The following CNGB3 variants were observed in gnomAD, a reference collection of about 807,000 sequenced individuals.
CNGB3 encodes the protein cyclic nucleotide-gated channel beta-3.
A neutral mutation model predicts 92.8 loss-of-function variants in CNGB3; 86 were observed. That is an observed-to-expected ratio of 0.93 (90% confidence interval 0.78 to 1.11). The LOEUF is 1.11. Among genes scored for constraint, CNGB3 ranks in the 50% least tolerant of loss-of-function variants. The probability of loss-of-function intolerance (pLI) is 0.00; values close to 1 mark genes in which losing one functional copy is unlikely to be tolerated. For synonymous variants in CNGB3, 333 were observed against 332.7 expected, an observed-to-expected ratio of 1.00 and a Z score of -0.01; for missense variants, 1,026 against 956.8, an observed-to-expected ratio of 1.07 and a Z score of -0.95.
chr8:86,711,664 C>T (rs1181732852), intron 3 of CNGB3, among the ~76,000 whole-genome samples: 1 of 152,020 alleles, frequency 6.6e-6, no homozygotes, highest in East Asian at 1.9e-4. Flanking sequence ...TGTCTTTTGT[C>T]TGCTGACTCA....
intron 15 of CNGB3, chr8:86,594,014 C>T: frequency 2.5e-6 from 1 of 402,248 alleles, no homozygotes. Context: ...CTCCTTATGG[C>T]CCTAGGACAT....
At chr8:86,691,286 G>A (rs779797346) in intron 3 of CNGB3, among the ~76,000 whole-genome samples, 3 of 151,908 alleles carry the variant, frequency 2.0e-5, no homozygotes, top group Non-Finnish European at 2.9e-5. Flanking sequence ...GAGTGTTTAG[G>A]GTTTTCTAGG....
chr8:86,654,123 T>C (rs1823458737), intron 6 of CNGB3, 61 bp from the exon 7 acceptor site: 1 of 1,121,658 alleles, frequency 8.9e-7, no homozygotes, highest in Non-Finnish European at 1.4e-6. Context: ...TTTTTCTCAC[T>C]TTTAAATTTA....
intron 7 of CNGB3, among the ~76,000 whole-genome samples, chr8:86,649,218 C>T (rs1251500015): frequency 6.6e-6 from 1 of 151,396 alleles, no homozygotes; most frequent in African/African-American, 2.4e-5. Flanking sequence ...TTGGAAGGAT[C>T]AATATTGTAA....
chr8:86,592,978 T>A (rs913148932), intron 15 of CNGB3, among the ~76,000 whole-genome samples: 1 of 152,204 alleles, frequency 6.6e-6, no homozygotes, highest in Non-Finnish European at 1.5e-5. Flanking sequence ...TATCAGAGGA[T>A]GTTCTAAGGC....
intron 3 of CNGB3, among the ~76,000 whole-genome samples, chr8:86,696,543 A>AT (rs2131643550): frequency 6.6e-6 from 1 of 152,338 alleles, no homozygotes; most frequent in East Asian, 1.9e-4. Context: ...GCAAAAGTTC[A>AT]TAATGTGTGT....
At chr8:86,684,965 AACAC>A (rs1268313656) in intron 3 of CNGB3, among the ~76,000 whole-genome samples, 1 of 152,062 alleles carries the variant, frequency 6.6e-6, no homozygotes, top group Non-Finnish European at 1.5e-5. Context: ...GCCATACACA[AACAC>A]ACACGCATGG....
Position 86,574,373 on chromosome 8 carries a change from C to T in CNGB3, c.*1431G>A, listed in dbSNP as rs1337904740. 1 of 152,110 alleles carries T rather than the reference C, an allele frequency of 6.6e-6. No individual in the cohort carries two copies. The highest frequency in any genetic ancestry group is 1.5e-5 in the Non-Finnish European group (1 of 68,018). 9.4% of individuals were successfully genotyped at this position (152,110 alleles called of 1,614,324 possible). A position where few individuals can be genotyped will look rare whatever the true frequency, so the allele number is the denominator to read the frequency against. ...ATTCACTCTTTCTGCATACAAACTC[C>T]CATTTATCAAATAAATACTATTTAA... is the stretch of plus-strand genomic sequence containing the variant. On this transcript the variant is annotated 3_prime_UTR_variant, in exon 18 of 18. Transcript: ENST00000320005.
At chr8:86,652,262 G>A (rs776946756) in intron 7 of CNGB3, among the ~76,000 whole-genome samples, 5 of 152,000 alleles carry the variant, frequency 3.3e-5, no homozygotes, top group South Asian at 2.1e-4. Context: ...CATGAATGGA[G>A]CTTGCAGGAC....
At chr8:86,656,856 C>T (rs10098537) in intron 6 of CNGB3, among the ~76,000 whole-genome samples, 7,493 of 152,232 alleles carry the variant, frequency 0.049, 261 homozygotes, top group Non-Finnish European at 0.075. Context: ...AAAGAAGTTT[C>T]CCAGTCCCAA....
chr8:86,694,480 G>A (rs1157383561), intron 3 of CNGB3, among the ~76,000 whole-genome samples: 1 of 150,390 alleles, frequency 6.6e-6, no homozygotes, highest in Non-Finnish European at 1.5e-5. Context: ...GCTGCCGGAC[G>A]GAGGGTCTCC....
intron 10 of CNGB3, among the ~76,000 whole-genome samples, chr8:86,638,845 G>GT (rs1367003024): frequency 1.3e-5 from 2 of 148,512 alleles, no homozygotes. Flanking sequence ...TTTTTGTTTT[G>GT]TTTGTTTGTT....
At chr8:86,658,303 G>C (rs187144810) in intron 6 of CNGB3, 147 of 501,474 alleles carry the variant, frequency 2.9e-4, no homozygotes, top group Non-Finnish European at 4.5e-4. Context: ...CGACTCTCCA[G>C]TTCCTCCGGG....
In CNGB3 at chr8:86,625,981, G is replaced by C. The variant is rs1554609943; in HGVS notation, c.1578+2C>G. 6.2e-7 allele frequency: 1 copy of C among 1,610,302 alleles called. No individual in the cohort carries two copies. ...GAGTCTATTAATTGTAAAAGCACTT[G>C]CCTTGAACAAGTCGACTTTGCTGAT... On this transcript the variant is annotated splice_donor_variant, in intron 13 of 17. Transcript: ENST00000320005. LOFTEE classifies it high-confidence loss of function.
chr8:86,657,901 C>T (rs1289886160), intron 6 of CNGB3: 1 of 546,552 alleles, frequency 1.8e-6, no homozygotes. Flanking sequence ...GACGCTGGGA[C>T]CCCTCTGACC....
At chr8:86,705,308 A>C (rs931869046) in intron 3 of CNGB3, among the ~76,000 whole-genome samples, 1 of 152,104 alleles carries the variant, frequency 6.6e-6, no homozygotes, top group African/African-American at 2.4e-5. Flanking sequence ...CACCAGTCCA[A>C]ATTGTACTAT....
chr8:86,737,737 T>C (rs1825271686), intron 2 of CNGB3, among the ~76,000 whole-genome samples: 1 of 152,112 alleles, frequency 6.6e-6, no homozygotes, highest in Non-Finnish European at 1.5e-5. Flanking sequence ...CCTTCTCCCA[T>C]CCTCCACCCT....
intron 8 of CNGB3, among the ~76,000 whole-genome samples, chr8:86,646,170 C>T (rs1345434883): frequency 6.6e-6 from 1 of 151,038 alleles, no homozygotes; most frequent in Non-Finnish European, 1.5e-5. Context: ...CAAGCAGGTA[C>T]CTTCTGAAAT....
intron 12 of CNGB3, among the ~76,000 whole-genome samples, chr8:86,627,931 C>G (rs113310866): frequency 1.3e-5 from 2 of 152,132 alleles, no homozygotes; most frequent in Non-Finnish European, 2.9e-5. Flanking sequence ...TCAGCCTACT[C>G]GACAGTGAAG....
Sources: gnomAD v4.1 joint callset for allele counts (sites outside exome capture counted in the v4.1 genomes callset) on GRCh38, gnomAD v4.1.1 for gene constraint, MANE v1.5 for transcripts, NCBI Gene and HGNC (gene_info 2026-07-23, HGNC 2026-07-21) for gene names.